The following PXMP4 variants were observed in gnomAD, a reference collection of about 807,000 sequenced individuals.
PXMP4 encodes the protein 24 kDa peroxisomal intrinsic membrane protein.
In PXMP4, 16 loss-of-function variants were observed where a neutral mutation model predicts 21.6. The observed-to-expected ratio is 0.74, with a 90% CI of 0.50 to 1.13. The LOEUF (loss-of-function observed/expected upper bound fraction) is 1.13. Among genes scored for constraint, PXMP4 ranks in the 50% most tolerant of loss-of-function variants. PXMP4 has a pLI of 0.00. For synonymous variants in PXMP4, 127 were observed against 123.8 expected, an observed-to-expected ratio of 1.03 and a Z score of -0.17; for missense variants, 240 against 277.7, an observed-to-expected ratio of 0.86 and a Z score of 0.96.
intron 1 of PXMP4, among the ~76,000 whole-genome samples, chr20:33,718,591 C>T (rs2018411331): frequency 6.6e-6 from 1 of 150,834 alleles, no homozygotes; most frequent in Non-Finnish European, 1.5e-5. Context: ...AGGATATGCC[C>T]TTGGCCAGAC....
In PXMP4 at chr20:33,704,652, C is replaced by G. The variant is rs1682121128; in HGVS notation, c.*3054G>C. On this transcript the variant is annotated 3_prime_UTR_variant, in exon 4 of 4. Transcript: ENST00000409299. ...ATCAGACTGATCCCACCTCAATTAC[C>G]TAAGGGCTCTGTGACTCATTTGTCA... 6.6e-6 allele frequency: 1 copy of G among 152,222 alleles called. No homozygotes were observed. The highest frequency in any genetic ancestry group is 2.1e-4 in the South Asian group (1 of 4,834). 9.4% of individuals were successfully genotyped at this position (152,222 alleles called of 1,614,324 possible). A position where few individuals can be genotyped will look rare whatever the true frequency, so the allele number is the denominator to read the frequency against.
Position 33,707,610 on chromosome 20 carries a change from G to T in PXMP4, c.*96C>A. 6.8e-7 allele frequency: 1 copy of T among 1,471,954 alleles called. No individual in the cohort carries two copies. Among genetic ancestry groups the T allele is most frequent in the Non-Finnish European group, 9.2e-7 (1 of 1,084,330 alleles). The allele number at this position is 1,471,954 out of a possible 1,614,324, so 91.2% of individuals were successfully genotyped here. The stretch of plus-strand genomic sequence containing the variant: ...ACGGAACCCTGGGATAACACCAGTT[G>T]GAGTCTGAGGCCTATGATCTTGAGA... On this transcript the variant is annotated 3_prime_UTR_variant, in exon 4 of 4. Transcript: ENST00000409299.
rs1286678335 is a variant in PXMP4 at position 33,706,973 on chromosome 20, T to C, written c.*733A>G. On this transcript the variant is annotated 3_prime_UTR_variant, in exon 4 of 4. Coordinates refer to ENST00000409299, the MANE Select transcript of PXMP4 (RefSeq NM_007238.5). ...GTGCAGTGGCGTGATCTTTGCTCAC[T>C]GTAGCCTCGACCTCATAGGCTCAAG... 1 of 152,066 alleles carries C rather than the reference T, an allele frequency of 6.6e-6. No homozygotes were observed. Among genetic ancestry groups the C allele is most frequent in the Non-Finnish European group, 1.5e-5 (1 of 68,026 alleles). The allele number at this position is 152,066 out of a possible 1,614,324, so 9.4% of individuals were successfully genotyped here. A position where few individuals can be genotyped will look rare whatever the true frequency, so the allele number is the denominator to read the frequency against.
Position 33,707,976 on chromosome 20 carries a change from A to G in PXMP4, c.376-7T>C. 6.2e-7 allele frequency: 1 copy of G among 1,608,404 alleles called. No homozygotes were observed. Among genetic ancestry groups the G allele is most frequent in the East Asian group, 2.2e-5 (1 of 44,686 alleles). ...ACAACAGGTACATGTTGATCTGCAAAGAGGGAATGATGGGAATTACTGGTG... is the reference window on the plus strand; with the variant it reads ...ACAACAGGTACATGTTGATCTGCAAGGAGGGAATGATGGGAATTACTGGTG... On this transcript the variant is annotated splice_region_variant and splice_polypyrimidine_tract_variant and intron_variant, in intron 3 of 3. Transcript: ENST00000409299.
Position 33,720,169 on chromosome 20 carries a change from G to T in PXMP4, c.39C>A (p.Val13=), listed in dbSNP as rs767200571. Reference sequence around the variant, plus strand: ...GGCGCTTGCGCAGCAGTGCGTTGACGACTACGAGCAGAGCCCTTAGCTGCG... The same window carrying T: ...GGCGCTTGCGCAGCAGTGCGTTGACTACTACGAGCAGAGCCCTTAGCTGCG... ...APPQLRALLV[V]VNALLRKRRY... Residue 13 remains valine, a synonymous_variant, in exon 1 of 4, where the codon GTC becomes GTA. Coordinates refer to ENST00000409299, the MANE Select transcript of PXMP4 (RefSeq NM_007238.5). The T allele has an allele frequency of 5.0e-6, 8 of 1,613,286 alleles. No individual in the cohort carries two copies. The highest frequency in any genetic ancestry group is 6.8e-6 in the Non-Finnish European group (8 of 1,179,902).
chr20:33,712,509 G>C (rs1281249686), intron 2 of PXMP4, among the ~76,000 whole-genome samples: 1 of 152,116 alleles, frequency 6.6e-6, no homozygotes, highest in African/African-American at 2.4e-5. Flanking sequence ...GAGTCCAGTG[G>C]CATGATCTGG....
At chr20:33,716,517 A>G (rs1395060802) in intron 1 of PXMP4, among the ~76,000 whole-genome samples, 1 of 152,228 alleles carries the variant, frequency 6.6e-6, no homozygotes, top group Non-Finnish European at 1.5e-5. Context: ...TCATTGCCAC[A>G]GATCCCAAAA....
At chr20:33,712,734 A>G (rs1279734048) in intron 2 of PXMP4, among the ~76,000 whole-genome samples, 1 of 150,668 alleles carries the variant, frequency 6.6e-6, no homozygotes, top group Admixed American at 6.6e-5. Context: ...AGGTTCAAGC[A>G]ATTCTCCTGC....
At chr20:33,712,850 T>C (rs2018345058) in intron 2 of PXMP4, among the ~76,000 whole-genome samples, 2 of 152,160 alleles carry the variant, frequency 1.3e-5, no homozygotes, top group Admixed American at 1.3e-4. Context: ...AGGATGGTCT[T>C]GATCTCCTGA....
In PXMP4 at chr20:33,710,571, T is replaced by C. The variant is rs1053896758; in HGVS notation, c.359A>G (p.Asn120Ser). 6.9e-6 allele frequency: 11 copies of C among 1,604,758 alleles called. No homozygotes were observed. The highest frequency in any genetic ancestry group is 4.4e-5 in the South Asian group (4 of 90,888). The change falls in exon 3 of 4, where the codon AAT becomes AGT. Residue 120 changes from asparagine to serine, a missense_variant. Coordinates refer to ENST00000409299, the MANE Select transcript of PXMP4 (RefSeq NM_007238.5). ...LGGILVFGEN[N>S]NINSQINMYL... ...GATCTTTACCTGGCTGTTGATGTTA[T>C]TGTTTTCTCCAAACACCAGGATACC...
rs1043391816 is a variant in PXMP4 at position 33,704,901 on chromosome 20, T to C, written c.*2805A>G. 4 of 151,846 alleles carry C rather than the reference T, an allele frequency of 2.6e-5. No homozygotes were observed. Among genetic ancestry groups the C allele is most frequent in the South Asian group, 2.1e-4 (1 of 4,826 alleles). 9.4% of individuals were successfully genotyped at this position (151,846 alleles called of 1,614,324 possible). ...AAGAGTGATGGAGTAAGTATATTAA[T>C]GAAAGTGTATCTACCAGACCAATGG... On this transcript the variant is annotated 3_prime_UTR_variant, in exon 4 of 4. Transcript: ENST00000409299.
Position 33,720,149 on chromosome 20 carries a change from T to G in PXMP4, c.59A>C (p.Lys20Thr), listed in dbSNP as rs781559228. ...GGCCAACGCAGCGTGGTAGCGGCGC[T>G]TGCGCAGCAGTGCGTTGACGACTAC... ...LLVVVNALLR[K>T]RRYHAALAVL... The change falls in exon 1 of 4, where the codon AAG becomes ACG. Residue 20 changes from lysine to threonine, a missense_variant. Transcript: ENST00000409299. 6.2e-7 allele frequency: 1 copy of G among 1,613,582 alleles called. No individual in the cohort carries two copies. Among genetic ancestry groups the G allele is most frequent in the Non-Finnish European group, 8.5e-7 (1 of 1,179,912 alleles).
chr20:33,719,836 G>A (rs758173200), intron 1 of PXMP4, among the ~76,000 whole-genome samples: 18 of 152,358 alleles, frequency 1.2e-4, no homozygotes, highest in Non-Finnish European at 2.2e-4. Flanking sequence ...AAGCTGGCAT[G>A]GGAGGAGTCA....
rs1179914114 is a variant in PXMP4 at position 33,704,786 on chromosome 20, C to T, written c.*2920G>A. On this transcript the variant is annotated 3_prime_UTR_variant, in exon 4 of 4. Coordinates refer to ENST00000409299, the MANE Select transcript of PXMP4 (RefSeq NM_007238.5). ...GGGAGAAATGCAGACTCTCAGGCCCCACCCCAGCTCACTGAATCAGAAGCT... is the reference window on the plus strand; with the variant it reads ...GGGAGAAATGCAGACTCTCAGGCCCTACCCCAGCTCACTGAATCAGAAGCT... 6.6e-6 allele frequency: 1 copy of T among 152,148 alleles called. No individual in the cohort carries two copies. Among genetic ancestry groups the T allele is most frequent in the East Asian group, 1.9e-4 (1 of 5,190 alleles). The allele number at this position is 152,148 out of a possible 1,614,324, so 9.4% of individuals were successfully genotyped here.
intron 2 of PXMP4, among the ~76,000 whole-genome samples, chr20:33,711,162 T>C (rs888199814): frequency 2.0e-5 from 3 of 150,856 alleles, no homozygotes; most frequent in Non-Finnish European, 4.4e-5. Context: ...TGAGTAAACA[T>C]GTGAAGGAGT....
chr20:33,708,689 AT>A (rs535698102), intron 3 of PXMP4, among the ~76,000 whole-genome samples: 425 of 150,798 alleles, frequency 2.8e-3, no homozygotes, highest in African/African-American at 9.5e-3. Flanking sequence ...AAATGGTAAA[AT>A]TTTTTTTTCT....
chr20:33,720,247 G>A lies in PXMP4; in HGVS notation c.-40C>T. On this transcript the variant is annotated 5_prime_UTR_variant, in exon 1 of 4. Transcript: ENST00000409299. ...GCAGGGTCGGGGTTAGGAACTGTAA[G>A]CGCACTGACAGCCGGAGGTTCCAGC... 5.8e-6 allele frequency: 9 copies of A among 1,551,908 alleles called. No individual in the cohort carries two copies. Among genetic ancestry groups the A allele is most frequent in the South Asian group, 1.2e-5 (1 of 86,900 alleles).
chr20:33,708,604 T>C (rs1476745566), intron 3 of PXMP4, among the ~76,000 whole-genome samples: 3 of 151,646 alleles, frequency 2.0e-5, no homozygotes, highest in Admixed American at 6.6e-5. Flanking sequence ...CTCAAACTCC[T>C]GGCCTCAAGC....
At chr20:33,719,064 T>G (rs1297760796) in intron 1 of PXMP4, among the ~76,000 whole-genome samples, 4 of 152,062 alleles carry the variant, frequency 2.6e-5, no homozygotes, top group Non-Finnish European at 2.9e-5. Context: ...CCCGGCTAAT[T>G]TTTGTATTTT....
Sources: gnomAD v4.1 joint callset for allele counts (sites outside exome capture counted in the v4.1 genomes callset) on GRCh38, gnomAD v4.1.1 for gene constraint, MANE v1.5 for transcripts, NCBI Gene and HGNC (gene_info 2026-07-23, HGNC 2026-07-21) for gene names.